KPNA6: variants seen among roughly 807,000 people sequenced by gnomAD.
KPNA6 encodes the protein importin subunit alpha-7.
A neutral mutation model predicts 72.0 loss-of-function variants in KPNA6; 9 were observed. The ratio of observed to expected loss-of-function variants is 0.13; its 90% CI spans 0.08 to 0.22. KPNA6 has a LOEUF of 0.22. Ranked by LOEUF, KPNA6 falls within the 10% of genes least tolerant of loss-of-function variation. The pLI, the probability that KPNA6 is intolerant of heterozygous loss-of-function variation, is 1.00. For synonymous variants in KPNA6, 219 were observed against 242.1 expected, an observed-to-expected ratio of 0.90 and a Z score of 0.89; for missense variants, 374 against 655.7, an observed-to-expected ratio of 0.57 and a Z score of 4.69.
chr1:32,149,396 A>G (rs796214565), intron 1 of KPNA6, among the ~76,000 whole-genome samples: 9 of 152,214 alleles, frequency 5.9e-5, no homozygotes, highest in African/African-American at 2.2e-4. Context: ...ATTTTTATAA[A>G]ATTATTTAAA....
chr1:32,122,635 GGAGA>G (rs1039746522), intron 1 of KPNA6, among the ~76,000 whole-genome samples: 5 of 152,014 alleles, frequency 3.3e-5, no homozygotes, highest in Admixed American at 6.6e-5. Context: ...AAAGAAAAAA[GGAGA>G]GAGAAGAGGC....
chr1:32,122,871 C>T lies in KPNA6; in HGVS notation c.4+14737C>T, dbSNP rs535572405. On this transcript the variant is annotated intron_variant, in intron 1 of 13. Coordinates refer to ENST00000373625, the MANE Select transcript of KPNA6 (RefSeq NM_012316.5). Reference sequence around the variant, plus strand: ...ACTCAGGAGGCTGAGGTAGGACAGTCGCTTGAACCTGGTAGGCAGAGGTTG... The same window carrying T: ...ACTCAGGAGGCTGAGGTAGGACAGTTGCTTGAACCTGGTAGGCAGAGGTTG... Among the ~76,000 whole-genome samples the T allele has an allele frequency of 6.6e-5, 10 of 150,716 alleles. No homozygotes were observed. In the East Asian group the frequency reaches 7.8e-4, roughly 12 times the overall value.
intron 1 of KPNA6, among the ~76,000 whole-genome samples, chr1:32,148,838 T>G (rs1641978314): frequency 6.6e-6 from 1 of 152,150 alleles, no homozygotes; most frequent in Admixed American, 6.5e-5. Flanking sequence ...ATTATAGGCA[T>G]GAGCCACTGC....
intron 12 of KPNA6, among the ~76,000 whole-genome samples, chr1:32,168,874 C>T (rs920139511): frequency 6.6e-5 from 10 of 151,952 alleles, no homozygotes; most frequent in Admixed American, 2.6e-4. Flanking sequence ...TGGAGTTCAG[C>T]GAATTAGGGA....
chr1:32,159,652 G>T (rs1642201451), intron 6 of KPNA6, 121 bp downstream of exon 6: 1 of 1,132,730 alleles, frequency 8.8e-7, no homozygotes, highest in Non-Finnish European at 1.2e-6. Flanking sequence ...AGTGATAGGG[G>T]TGTCAAGTAC....
At chr1:32,111,885 C>T (rs1206085951) in intron 1 of KPNA6, among the ~76,000 whole-genome samples, 3 of 152,186 alleles carry the variant, frequency 2.0e-5, no homozygotes, top group Admixed American at 1.3e-4. Flanking sequence ...TTGCTTTATT[C>T]TGACCCTCTA....
At chr1:32,156,736 C>A in intron 2 of KPNA6, 117 bp from the exon 3 acceptor site, 2 of 721,686 alleles carry the variant, frequency 2.8e-6, no homozygotes, top group Admixed American at 4.8e-5. Context: ...AAAGCTTGGC[C>A]TCACTTCTCA....
intron 1 of KPNA6, among the ~76,000 whole-genome samples, chr1:32,140,389 A>T (rs1641816517): frequency 6.9e-6 from 1 of 144,930 alleles, no homozygotes; most frequent in South Asian, 2.1e-4. Context: ...GTCTCAGGAG[A>T]AAAAAAAAAG....
At chr1:32,124,032 CAAAAAA>C (rs771086945) in intron 1 of KPNA6, among the ~76,000 whole-genome samples, 13 of 43,126 alleles carry the variant, frequency 3.0e-4, no homozygotes, top group South Asian at 8.0e-4. Context: ...GACTCTGTCT[CAAAAAA>C]AAAAAAAAAA....
At chr1:32,142,227 G>A (rs1641851582) in intron 1 of KPNA6, among the ~76,000 whole-genome samples, 1 of 137,354 alleles carries the variant, frequency 7.3e-6, no homozygotes, top group Admixed American at 8.4e-5. Context: ...CTGCATTCCT[G>A]CCTGGGTGAC....
At chr1:32,112,136 T>G (rs575915396) in intron 1 of KPNA6, among the ~76,000 whole-genome samples, 1 of 152,336 alleles carries the variant, frequency 6.6e-6, no homozygotes, top group East Asian at 1.9e-4. Flanking sequence ...TGGAGAAGCC[T>G]TCCTTATTTA....
chr1:32,170,114 G>A (rs1169466140), intron 13 of KPNA6, 54 bp downstream of exon 13: 29 of 1,501,730 alleles, frequency 1.9e-5, no homozygotes, highest in African/African-American at 2.8e-5. Context: ...GGCCTCCAAC[G>A]TGGTATACAT....
Position 32,145,533 on chromosome 1 carries a change from C to T in KPNA6, c.5-9055C>T, listed in dbSNP as rs533493908. ...AGAGACGGGGTTTCATCATGTTGGC[C>T]AGGCTGGCCTCAGACTCCTGACCTC... On this transcript the variant is annotated intron_variant, in intron 1 of 13. Transcript: ENST00000373625. 2.9e-4 allele frequency among the ~76,000 whole-genome samples: 44 copies of T among 151,098 alleles called. No homozygotes were observed. In the South Asian group the frequency reaches 5.7e-3, roughly 19 times the overall value.
At position 32,154,572 on chromosome 1, in the gene KPNA6, GTA is replaced by G; in HGVS notation, c.5-14_5-13del. 1 of 1,611,050 alleles carries G rather than the reference GTA, an allele frequency of 6.2e-7. No individual in the cohort carries two copies. Among genetic ancestry groups the G allele is most frequent in the Non-Finnish European group, 8.5e-7 (1 of 1,178,612 alleles). ...TCCTCTCAAGAGTTTTTGGCAGTGT[GTA>G]TCTTTTCTTCTAGAGACCATGGCGA... On this transcript the variant is annotated splice_polypyrimidine_tract_variant and intron_variant, in intron 1 of 13. Transcript: ENST00000373625.
Position 32,175,321 on chromosome 1 carries a change from G to A in KPNA6, c.*4427G>A, listed in dbSNP as rs567586138. The A allele has an allele frequency of 5.2e-5, 8 of 152,408 alleles. No individual in the cohort carries two copies. Among genetic ancestry groups the A allele is most frequent in the Admixed American group, 3.3e-4 (5 of 15,298 alleles). The allele number at this position is 152,408 out of a possible 1,614,324, so 9.4% of individuals were successfully genotyped here. A position where few individuals can be genotyped will look rare whatever the true frequency, so the allele number is the denominator to read the frequency against. ...GGCCTGCCTAGCTGCCTCTGGGCCA[G>A]GCTGACTTCTGATGTCCACATTAGC... is the stretch of plus-strand genomic sequence containing the variant. On this transcript the variant is annotated 3_prime_UTR_variant, in exon 14 of 14. Coordinates refer to ENST00000373625, the MANE Select transcript of KPNA6 (RefSeq NM_012316.5).
chr1:32,136,809 T>G (rs1351356561), intron 1 of KPNA6, among the ~76,000 whole-genome samples: 4 of 152,184 alleles, frequency 2.6e-5, no homozygotes, highest in African/African-American at 9.7e-5. Context: ...TTCATTACAT[T>G]TGGAGTGAAG....
intron 1 of KPNA6, among the ~76,000 whole-genome samples, chr1:32,153,565 C>CTG (rs1642077088): frequency 8.4e-6 from 1 of 118,518 alleles, no homozygotes; most frequent in African/African-American, 3.4e-5. Flanking sequence ...AAGTGAAACT[C>CTG]TGTCTCAAAA....
In KPNA6 at chr1:32,163,235, G is replaced by A; in HGVS notation, c.912G>A (p.Met304Ile). The A allele has an allele frequency of 6.2e-7, 1 of 1,610,162 alleles. No homozygotes were observed. The highest frequency in any genetic ancestry group is 8.5e-7 in the Non-Finnish European group (1 of 1,176,710). Residue 304 changes from methionine (M) to isoleucine (I), a missense_variant and splice_region_variant, in exon 10 of 14, where the codon ATG becomes ATA. Transcript: ENST00000373625. ...GVCRRLVELLMHNDYKVASPA... is the reference protein window; with the variant it reads ...GVCRRLVELLIHNDYKVASPA... ...CTGATCAGATCTCCCTCCTCTGTAGGCACAATGATTACAAAGTGGCTTCTC... is the reference window on the plus strand; with the variant it reads ...CTGATCAGATCTCCCTCCTCTGTAGACACAATGATTACAAAGTGGCTTCTC...
intron 1 of KPNA6, among the ~76,000 whole-genome samples, chr1:32,144,082 A>ACGT (rs1641889570): frequency 6.6e-6 from 1 of 152,228 alleles, no homozygotes; most frequent in African/African-American, 2.4e-5. Context: ...GATGAAGTTT[A>ACGT]ATTTGTAAAT....
Sources: gnomAD v4.1 joint callset for allele counts (sites outside exome capture counted in the v4.1 genomes callset) on GRCh38, gnomAD v4.1.1 for gene constraint, MANE v1.5 for transcripts, NCBI Gene and HGNC (gene_info 2026-07-23, HGNC 2026-07-21) for gene names.